PPEF1: variants seen among roughly 807,000 people sequenced by gnomAD.
PPEF1 encodes the protein serine/threonine-protein phosphatase with EF-hands 1.
In PPEF1, 12 loss-of-function variants were observed where a neutral mutation model predicts 53.3. That is an observed-to-expected ratio of 0.23 (90% CI 0.14 to 0.36). The LOEUF (loss-of-function observed/expected upper bound fraction) is 0.36, where lower values mean the gene tolerates loss of function less well. Ranked by LOEUF, PPEF1 falls within the 10% of genes least tolerant of loss-of-function variation. PPEF1 has a pLI of 1.00. For missense variants in PPEF1, 334 were observed against 490.4 expected (o/e 0.68, Z 3.01); for synonymous variants, 165 against 176.7 (o/e 0.93, Z 0.52).
chrX:18,724,437 T>C (rs2044660214), intron 1 of PPEF1, among the ~76,000 whole-genome samples: 1 of 111,772 alleles, frequency 8.9e-6, no homozygotes, highest in African/African-American at 3.3e-5. Flanking sequence ...GATACCATGA[T>C]AGTGATTGCC....
At chrX:18,700,739 A>T in intron 6 of PPEF1, among the ~76,000 whole-genome samples, 1 of 111,834 alleles carries the variant, frequency 8.9e-6, no homozygotes, top group Admixed American at 9.5e-5. Flanking sequence ...GTCCTTTGAG[A>T]AACCCTTCTA....
intron 3 of PPEF1, among the ~76,000 whole-genome samples, chrX:18,734,103 C>T (rs990561031): frequency 9.5e-6 from 1 of 105,210 alleles, no homozygotes; most frequent in African/African-American, 3.5e-5. Flanking sequence ...CGGTACACAA[C>T]AGTAGCTTAG....
At chrX:18,727,200 G>A (rs368383969) in intron 1 of PPEF1, among the ~76,000 whole-genome samples, 5 of 111,540 alleles carry the variant, frequency 4.5e-5, no homozygotes, top group Non-Finnish European at 9.4e-5. Flanking sequence ...TGTCAGCTTC[G>A]CAGTGTTGTG....
At chrX:18,768,557 A>C (rs774372916) in intron 6 of PPEF1, among the ~76,000 whole-genome samples, 9 of 112,514 alleles carry the variant, frequency 8.0e-5, no homozygotes, top group Middle Eastern at 4.6e-3. Context: ...ATAACTCACC[A>C]TATGCAAAAG....
At chrX:18,785,541 G>A (rs1233300665) in intron 9 of PPEF1, among the ~76,000 whole-genome samples, 2 of 109,659 alleles carry the variant, frequency 1.8e-5, no homozygotes, top group African/African-American at 6.7e-5. Context: ...TACACCTGTT[G>A]TCCTATTGTA....
chrX:18,697,676 T>G (rs1339679346), intron 4 of PPEF1, among the ~76,000 whole-genome samples: 2 of 111,846 alleles, frequency 1.8e-5, no homozygotes, highest in African/African-American at 6.5e-5. Flanking sequence ...TGCCTGGCAC[T>G]GTTTTAAGAA....
rs34861524 is a variant in PPEF1 at position 18,711,090 on chromosome X, G to GTATATA, written c.46+3265_46+3266insATATAT. Among the ~76,000 whole-genome samples, 265 of 100,561 alleles carry GTATATA rather than the reference G, an allele frequency of 2.6e-3. 1 individual carries two copies. The highest frequency in any genetic ancestry group is 6.3e-3 in the African/African-American group (172 of 27,102). The allele number at this position is 100,561 out of a possible 115,157, so 87.3% of individuals were successfully genotyped here. Reference sequence around the variant, plus strand: ...TATATGTATATATATGTGTGTGTGTGTGTATATATATATATATGCATGCCA... The same window carrying GTATATA: ...TATATGTATATATATGTGTGTGTGTGTATATATGTATATATATATATATGCATGCCA... On this transcript the variant is annotated intron_variant, in intron 1 of 15. Transcript: ENST00000470157.
chrX:18,805,697 G>T (rs1233557135), intron 11 of PPEF1, among the ~76,000 whole-genome samples: 2 of 109,690 alleles, frequency 1.8e-5, no homozygotes, highest in African/African-American at 6.7e-5. Flanking sequence ...ACAAAAATTA[G>T]CTGGGCGTGG....
chrX:18,764,579 G>C (rs1391119041), intron 6 of PPEF1, among the ~76,000 whole-genome samples: 2 of 111,676 alleles, frequency 1.8e-5, no homozygotes, highest in African/African-American at 3.3e-5. Flanking sequence ...CCACTGGAGT[G>C]CCATGGGAAA....
intron 4 of PPEF1, among the ~76,000 whole-genome samples, chrX:18,695,867 A>G (rs993226607): frequency 8.9e-6 from 1 of 112,289 alleles, no homozygotes; most frequent in Non-Finnish European, 1.9e-5. Flanking sequence ...TTAGCCTGTC[A>G]TTGTGGCTGC....
intron 1 of PPEF1, among the ~76,000 whole-genome samples, chrX:18,723,611 A>G (rs1163275389): frequency 2.7e-5 from 3 of 111,464 alleles, no homozygotes; most frequent in Non-Finnish European, 5.6e-5. Flanking sequence ...CAGCAATGAA[A>G]AAAATGAAGT....
intron 1 of PPEF1, among the ~76,000 whole-genome samples, chrX:18,709,872 G>A (rs993619568): frequency 8.9e-6 from 1 of 112,114 alleles, no homozygotes; most frequent in Non-Finnish European, 1.9e-5. Flanking sequence ...TATATACCTA[G>A]AAGTGGAATT....
chrX:18,751,672 C>T (rs2045447225), intron 4 of PPEF1, among the ~76,000 whole-genome samples: 2 of 112,136 alleles, frequency 1.8e-5, no homozygotes, highest in Admixed American at 9.4e-5. Flanking sequence ...CCCAGCTACT[C>T]AGGTGGCTGA....
intron 8 of PPEF1, 69 bp from the exon 9 acceptor site, chrX:18,783,830 A>G: frequency 1.9e-6 from 2 of 1,040,117 alleles, no homozygotes; most frequent in Non-Finnish European, 2.6e-6. Flanking sequence ...CTTTTTGTCC[A>G]TACTTGGGGA....
At chrX:18,698,407 A>AG (rs1929851518) in intron 5 of PPEF1, among the ~76,000 whole-genome samples, 1 of 112,150 alleles carries the variant, frequency 8.9e-6, no homozygotes, top group Non-Finnish European at 1.9e-5. Flanking sequence ...CTAAATCATG[A>AG]GTTTTTTTTC....
At chrX:18,713,726 A>G (rs1475055621) in intron 1 of PPEF1, among the ~76,000 whole-genome samples, 2 of 111,724 alleles carry the variant, frequency 1.8e-5, no homozygotes, top group African/African-American at 6.5e-5. Flanking sequence ...TCCACTACCC[A>G]GAGATAATGA....
At chrX:18,681,543 G>A (rs965732549), upstream of PPEF1, among the ~76,000 whole-genome samples, 1 of 111,837 alleles carries the variant, frequency 8.9e-6, no homozygotes, top group Non-Finnish European at 1.9e-5. Flanking sequence ...GAGCAGAGAC[G>A]TTTCCTAATT....
intron 1 of PPEF1, among the ~76,000 whole-genome samples, chrX:18,725,218 T>C (rs2044679405): frequency 9.0e-6 from 1 of 110,691 alleles, no homozygotes; most frequent in Admixed American, 9.7e-5. Flanking sequence ...ACAGAGTGAT[T>C]TGAACAGAGA....
intron 1 of PPEF1, 154 bp from the exon 2 acceptor site, chrX:18,730,027 A>G (rs1320877749): frequency 3.9e-6 from 2 of 517,467 alleles, no homozygotes; most frequent in Non-Finnish European, 5.8e-6. Context: ...TTTTATAAAA[A>G]ACATAAAAGT....
Sources: gnomAD v4.1 joint callset for allele counts (sites outside exome capture counted in the v4.1 genomes callset) on GRCh38, gnomAD v4.1.1 for gene constraint, MANE v1.5 for transcripts, NCBI Gene and HGNC (gene_info 2026-07-23, HGNC 2026-07-21) for gene names.